Variants in RNF180 observed in about 807,000 individuals in gnomAD.
RNF180 encodes the protein E3 ubiquitin-protein ligase RNF180.
Under a neutral mutation model 59.2 loss-of-function variants are expected in RNF180, and 38 were observed. That is an observed-to-expected ratio of 0.64 (90% confidence interval 0.50 to 0.84). The LOEUF is 0.84. Among genes scored for constraint, RNF180 ranks in the 40% least tolerant of loss-of-function variants. The pLI, the probability that RNF180 is intolerant of heterozygous loss-of-function variation, is 0.00. For missense variants in RNF180, 705 were observed against 700.9 expected, an observed-to-expected ratio of 1.01 and a Z score of -0.07; for synonymous variants, 262 against 240.3, an observed-to-expected ratio of 1.09 and a Z score of -0.84.
At chr5:64,200,434 G>C (rs1159530008) in intron 1 of RNF180, among the ~76,000 whole-genome samples, 1 of 152,102 alleles carries the variant, frequency 6.6e-6, no homozygotes, top group Non-Finnish European at 1.5e-5. Flanking sequence ...CAGCCTGGGT[G>C]ACAAGAGTGA....
At chr5:64,273,876 T>C (rs1404134488) in intron 5 of RNF180, among the ~76,000 whole-genome samples, 1 of 151,988 alleles carries the variant, frequency 6.6e-6, no homozygotes, top group East Asian at 1.9e-4. Context: ...AAGAGTCATA[T>C]CAGAGAGCAG....
At chr5:64,241,052 A>G (rs1295695086) in intron 5 of RNF180, among the ~76,000 whole-genome samples, 1 of 152,252 alleles carries the variant, frequency 6.6e-6, no homozygotes, top group Non-Finnish European at 1.5e-5. Context: ...TTTATTAAGT[A>G]TATATAAATG....
At chr5:64,181,986 CTTTTT>C (rs1190089130) in intron 1 of RNF180, among the ~76,000 whole-genome samples, 1 of 94,620 alleles carries the variant, frequency 1.1e-5, no homozygotes, top group African/African-American at 4.4e-5. Context: ...CTGCTACTGT[CTTTTT>C]TTTTTTTTTT....
intron 5 of RNF180, among the ~76,000 whole-genome samples, chr5:64,298,169 A>G (rs969287886): frequency 1.3e-5 from 2 of 152,078 alleles, no homozygotes; most frequent in Non-Finnish European, 2.9e-5. Context: ...CTCCAGCTCC[A>G]TCGATGTCCC....
At chr5:64,357,611 T>C (rs911626783) in intron 7 of RNF180, among the ~76,000 whole-genome samples, 1 of 151,808 alleles carries the variant, frequency 6.6e-6, no homozygotes, top group Non-Finnish European at 1.5e-5. Flanking sequence ...TCTGTCCTTT[T>C]ATGCAGGTAC....
At chr5:64,252,140 T>G (rs1356908978) in intron 5 of RNF180, among the ~76,000 whole-genome samples, 1 of 152,192 alleles carries the variant, frequency 6.6e-6, no homozygotes, top group Non-Finnish European at 1.5e-5. Flanking sequence ...ACTACAGATC[T>G]ATAGCAACCA....
intron 5 of RNF180, among the ~76,000 whole-genome samples, chr5:64,234,903 C>G (rs1256134693): frequency 6.6e-6 from 1 of 151,958 alleles, no homozygotes; most frequent in African/African-American, 2.4e-5. Context: ...CCAGCTACCC[C>G]TTCTTATTTT....
At chr5:64,350,907 T>C (rs1229805491) in intron 7 of RNF180, among the ~76,000 whole-genome samples, 12 of 151,820 alleles carry the variant, frequency 7.9e-5, no homozygotes, top group East Asian at 1.9e-4. Context: ...TTTTTGGTTC[T>C]ATATGAACTT....
chr5:64,243,300 A>G (rs1215638034), intron 5 of RNF180, among the ~76,000 whole-genome samples: 2 of 152,172 alleles, frequency 1.3e-5, no homozygotes, highest in African/African-American at 4.8e-5. Flanking sequence ...AGCTCAGTGG[A>G]TCCCACCCCC....
At chr5:64,220,095 A>T (rs1440085131) in intron 5 of RNF180, among the ~76,000 whole-genome samples, 1 of 152,126 alleles carries the variant, frequency 6.6e-6, no homozygotes, top group African/African-American at 2.4e-5. Context: ...TTCAATCCTG[A>T]TAATGATGGC....
chr5:64,232,836 A>G (rs1397764841), intron 5 of RNF180, among the ~76,000 whole-genome samples: 4 of 152,198 alleles, frequency 2.6e-5, no homozygotes, highest in Non-Finnish European at 5.9e-5. Context: ...GGCAGCCTGT[A>G]AGGTGTTTAC....
chr5:64,270,702 G>A (rs1741352165), intron 5 of RNF180, among the ~76,000 whole-genome samples: 1 of 151,976 alleles, frequency 6.6e-6, no homozygotes, highest in Non-Finnish European at 1.5e-5. Context: ...ATTTTTTAAG[G>A]ATTTAAAAAT....
At chr5:64,202,145 A>G (rs1468158178) in intron 2 of RNF180, among the ~76,000 whole-genome samples, 1 of 152,116 alleles carries the variant, frequency 6.6e-6, no homozygotes, top group Admixed American at 6.5e-5. Context: ...TCACCCCAGG[A>G]ATTTTTGTCT....
chr5:64,209,761 T>TA (rs1752208568), intron 2 of RNF180, among the ~76,000 whole-genome samples: 1 of 152,104 alleles, frequency 6.6e-6, no homozygotes, highest in Non-Finnish European at 1.5e-5. Context: ...GTATTCTCTG[T>TA]AAGATTGTTT....
intron 7 of RNF180, among the ~76,000 whole-genome samples, chr5:64,346,356 C>CTTTTTTTTTTTTTT (rs1745554810): frequency 6.4e-5 from 3 of 47,140 alleles, no homozygotes; most frequent in Non-Finnish European, 1.4e-4. Context: ...TTTTTCTTTT[C>CTTTTTTTTTTTTTT]TTCTTTTTTT....
chr5:64,271,514 A>G (rs1454301702), intron 5 of RNF180, among the ~76,000 whole-genome samples: 2 of 152,086 alleles, frequency 1.3e-5, no homozygotes, highest in Admixed American at 6.6e-5. Flanking sequence ...GCTATATCAT[A>G]TATCCTAGGT....
At chr5:64,323,397 C>T (rs1342974036) in intron 5 of RNF180, among the ~76,000 whole-genome samples, 2 of 151,970 alleles carry the variant, frequency 1.3e-5, no homozygotes, top group East Asian at 1.9e-4. Context: ...AAAGAATAGT[C>T]GGGCACCATG....
chr5:64,333,504 C>A (rs549469015), intron 7 of RNF180, among the ~76,000 whole-genome samples: 3 of 152,258 alleles, frequency 2.0e-5, no homozygotes, highest in East Asian at 1.9e-4. Flanking sequence ...ATTTAGCCCC[C>A]AAAATATGAA....
intron 5 of RNF180, among the ~76,000 whole-genome samples, chr5:64,260,942 T>C (rs1363518587): frequency 7.1e-6 from 1 of 140,960 alleles, no homozygotes; most frequent in Non-Finnish European, 1.5e-5. Context: ...AGTTTCCTCT[T>C]TTTTTTTTTT....
Sources: gnomAD v4.1 joint callset for allele counts (sites outside exome capture counted in the v4.1 genomes callset) on GRCh38, gnomAD v4.1.1 for gene constraint, MANE v1.5 for transcripts, NCBI Gene and HGNC (gene_info 2026-07-23, HGNC 2026-07-21) for gene names.